The following LRP1B variants were observed in gnomAD, a reference collection of about 807,000 sequenced individuals.
LRP1B encodes low-density lipoprotein receptor-related protein 1B.
Under a neutral mutation model 556.6 loss-of-function variants are expected in LRP1B, and 217 were observed. The observed-to-expected ratio is 0.39, with a 90% CI of 0.35 to 0.44. The LOEUF (loss-of-function observed/expected upper bound fraction) is 0.44, where lower values mean the gene tolerates loss of function less well. Ranked by LOEUF, LRP1B falls within the 20% of genes least tolerant of loss-of-function variation. LRP1B has a pLI of 1.00. For missense variants in LRP1B, 5,053 were observed against 5,620.8 expected, an observed-to-expected ratio of 0.90 and a Z score of 3.23; for synonymous variants, 2,047 against 1,865.8, an observed-to-expected ratio of 1.10 and a Z score of -2.50.
chr2:141,169,894 T>C (rs1680425346), intron 7 of LRP1B, among the ~76,000 whole-genome samples: 1 of 151,692 alleles, frequency 6.6e-6, no homozygotes, highest in South Asian at 2.1e-4. Context: ...TTGTTACCAA[T>C]TATGCAAATT....
At chr2:141,975,529 T>G (rs1701862085) in intron 1 of LRP1B, among the ~76,000 whole-genome samples, 1 of 152,118 alleles carries the variant, frequency 6.6e-6, no homozygotes, top group Non-Finnish European at 1.5e-5. Context: ...GGTGGCACAC[T>G]CTAATTCTTT....
At chr2:140,401,034 A>G (rs1433612310) in intron 66 of LRP1B, among the ~76,000 whole-genome samples, 1 of 152,178 alleles carries the variant, frequency 6.6e-6, no homozygotes, top group Non-Finnish European at 1.5e-5. Flanking sequence ...GAACTTCAAG[A>G]AAATCTGTTA....
At chr2:141,718,956 A>G (rs1692719942) in intron 2 of LRP1B, among the ~76,000 whole-genome samples, 1 of 140,658 alleles carries the variant, frequency 7.1e-6, no homozygotes, top group Non-Finnish European at 1.5e-5. Flanking sequence ...AATTCTAAAA[A>G]TAAGTACTGG....
intron 3 of LRP1B, among the ~76,000 whole-genome samples, chr2:141,467,681 A>T (rs977303488): frequency 6.6e-6 from 1 of 152,082 alleles, no homozygotes; most frequent in South Asian, 2.1e-4. Context: ...CATCAAGGAG[A>T]CCTGTACTTC....
intron 31 of LRP1B, among the ~76,000 whole-genome samples, chr2:140,814,843 T>C (rs1691054274): frequency 6.6e-6 from 1 of 152,140 alleles, no homozygotes; most frequent in Non-Finnish European, 1.5e-5. Context: ...TAGGCTTTAT[T>C]ATATTTTATG....
At chr2:140,672,632 T>A (rs966280520) in intron 41 of LRP1B, among the ~76,000 whole-genome samples, 3 of 152,178 alleles carry the variant, frequency 2.0e-5, no homozygotes. Flanking sequence ...CTCTGAATTA[T>A]TCTTCCTTTT....
At chr2:141,097,588 C>T (rs529266308) in intron 7 of LRP1B, among the ~76,000 whole-genome samples, 1 of 151,992 alleles carries the variant, frequency 6.6e-6, no homozygotes, top group African/African-American at 2.4e-5. Context: ...ATCTTGTCTA[C>T]CTTCTACAAA....
chr2:140,684,279 T>C (rs1285752464), intron 41 of LRP1B, among the ~76,000 whole-genome samples: 1 of 152,222 alleles, frequency 6.6e-6, no homozygotes, highest in East Asian at 1.9e-4. Context: ...TCAATGTTCA[T>C]CTTCTCATTG....
At chr2:141,635,043 G>A (rs1354461891) in intron 2 of LRP1B, among the ~76,000 whole-genome samples, 3 of 24,716 alleles carry the variant, frequency 1.2e-4, no homozygotes, top group Non-Finnish European at 2.1e-4. Context: ...CAGAACTATA[G>A]TGAAACACAC....
At chr2:141,883,780 G>C (rs1383927313) in intron 1 of LRP1B, among the ~76,000 whole-genome samples, 1 of 152,066 alleles carries the variant, frequency 6.6e-6, no homozygotes, top group Admixed American at 6.6e-5. Context: ...GAAACAAAAA[G>C]ATTGAATTAT....
At chr2:141,211,058 G>GCT (rs1682519554) in intron 6 of LRP1B, among the ~76,000 whole-genome samples, 1 of 152,050 alleles carries the variant, frequency 6.6e-6, no homozygotes, top group Admixed American at 6.6e-5. Context: ...CATGATCTCA[G>GCT]CTCACTGCAA....
intron 57 of LRP1B, among the ~76,000 whole-genome samples, chr2:140,490,908 G>A (rs1239542546): frequency 6.6e-6 from 1 of 151,916 alleles, no homozygotes; most frequent in Admixed American, 6.6e-5. Context: ...CATATGTACT[G>A]CACTAAGAAA....
intron 2 of LRP1B, among the ~76,000 whole-genome samples, chr2:141,781,429 T>C (rs2105639325): frequency 6.6e-6 from 1 of 152,296 alleles, no homozygotes; most frequent in Middle Eastern, 3.4e-3. Context: ...CCAGCTGGAT[T>C]TTCTGTGGCA....
intron 73 of LRP1B, 104 bp from the exon 74 acceptor site, chr2:140,358,220 G>A (rs1267324550): frequency 8.2e-6 from 9 of 1,102,886 alleles, no homozygotes; most frequent in Admixed American, 4.4e-5. Flanking sequence ...AAAAACATGG[G>A]TTTACAATCC....
chr2:140,311,098 C>T (rs902142984), intron 83 of LRP1B, among the ~76,000 whole-genome samples: 18 of 151,690 alleles, frequency 1.2e-4, no homozygotes. Flanking sequence ...AGTATAGCCT[C>T]TATGGAAAAC....
rs2105017050 is a variant in LRP1B at position 140,541,048 on chromosome 2, G to A, written c.7438C>T (p.Leu2480Phe). The stretch of plus-strand genomic sequence containing the variant: ...TTCACTCTCCCATTGGGAGTTAAAA[G>A]GCACAAGTCATGGCAGCCTCCATTC... ...LLNGGCHDLCLLTPNGRVNCS... is the reference protein window; with the variant it reads ...LLNGGCHDLCFLTPNGRVNCS... The change falls in exon 45 of 91, where the codon CTT becomes TTT. Residue 2480 changes from leucine (L) to phenylalanine (F), a missense_variant. This residue lies in a region of LRP1B where 3,619 missense variants were observed against 3,931.9 expected (regional missense o/e 0.92). Coordinates refer to ENST00000389484, the MANE Select transcript of LRP1B (RefSeq NM_018557.3). 3 of 1,611,496 alleles carry A rather than the reference G, an allele frequency of 1.9e-6. No homozygotes were observed. Among genetic ancestry groups the A allele is most frequent in the Non-Finnish European group, 2.5e-6 (3 of 1,178,234 alleles).
chr2:141,445,993 GATCT>G (rs1338765547), intron 3 of LRP1B, among the ~76,000 whole-genome samples: 49 of 152,222 alleles, frequency 3.2e-4, no homozygotes, highest in African/African-American at 1.1e-3. Context: ...CTGTCTTGTT[GATCT>G]ATCTAATTTT....
chr2:141,629,323 A>G (rs1574162512), intron 2 of LRP1B, among the ~76,000 whole-genome samples: 1 of 152,314 alleles, frequency 6.6e-6, no homozygotes, highest in East Asian at 1.9e-4. Flanking sequence ...TACCATCTCC[A>G]TATTTCCCTG....
chr2:140,425,418 G>A (rs1463997074), intron 66 of LRP1B, among the ~76,000 whole-genome samples: 3 of 151,852 alleles, frequency 2.0e-5, no homozygotes, highest in Non-Finnish European at 4.4e-5. Flanking sequence ...CCCCAGCCCC[G>A]CCGAGACAGA....
Sources: allele counts gnomAD v4.1 joint callset (sites outside exome capture counted in the v4.1 genomes callset), GRCh38; gene constraint gnomAD v4.1.1; regional missense constraint gnomAD v4.1.1; transcripts MANE v1.5; gene names NCBI Gene and HGNC (gene_info 2026-07-23, HGNC 2026-07-21).